The following ZBTB20 variants were observed in gnomAD, a reference collection of about 807,000 sequenced individuals.
The protein encoded by ZBTB20 is zinc finger and BTB domain-containing protein 20.
ZBTB20 carries 9 observed loss-of-function variants against 56.9 expected under a neutral mutation model. That is an observed-to-expected ratio of 0.16 (90% confidence interval 0.10 to 0.28). ZBTB20 has a LOEUF of 0.28. Ranked by LOEUF, ZBTB20 falls within the 10% of genes least tolerant of loss-of-function variation. The pLI is 1.00. For synonymous variants in ZBTB20, 417 were observed against 420.7 expected (o/e 0.99, Z 0.11); for missense variants, 655 against 1,003.0 (o/e 0.65, Z 4.69).
At chr3:114,697,011 T>C (rs992618695) in intron 5 of ZBTB20, among the ~76,000 whole-genome samples, 4 of 149,600 alleles carry the variant, frequency 2.7e-5, no homozygotes, top group Admixed American at 6.8e-5. Flanking sequence ...TGTTGTAGCA[T>C]CTAGATGTTT....
chr3:114,367,419 C>T (rs1214435364), intron 10 of ZBTB20, among the ~76,000 whole-genome samples: 1 of 152,144 alleles, frequency 6.6e-6, no homozygotes, highest in African/African-American at 2.4e-5. Context: ...GTGCACACCA[C>T]TATGCCCCGC....
intron 7 of ZBTB20, among the ~76,000 whole-genome samples, chr3:114,458,811 G>A (rs975306887): frequency 7.9e-5 from 12 of 151,740 alleles, no homozygotes; most frequent in Non-Finnish European, 1.3e-4. Context: ...AATTTAATAA[G>A]CTTAGGAAAG....
intron 2 of ZBTB20, among the ~76,000 whole-genome samples, chr3:115,012,533 T>C (rs2079767113): frequency 6.6e-6 from 1 of 151,798 alleles, no homozygotes; most frequent in South Asian, 2.1e-4. Context: ...AATTGTAATA[T>C]AGGTACCCAA....
chr3:114,725,870 G>C (rs1298335006), intron 5 of ZBTB20, among the ~76,000 whole-genome samples: 1 of 152,210 alleles, frequency 6.6e-6, no homozygotes, highest in Non-Finnish European at 1.5e-5. Context: ...CAAGTGTAAG[G>C]CTGAAGGAGA....
intron 2 of ZBTB20, among the ~76,000 whole-genome samples, chr3:114,999,379 C>A (rs549200500): frequency 6.6e-6 from 1 of 151,636 alleles, no homozygotes; most frequent in African/African-American, 2.4e-5. Flanking sequence ...AAGGAAGGAA[C>A]TTGCACAAAT....
At chr3:114,917,267 A>T (rs923062324) in intron 3 of ZBTB20, among the ~76,000 whole-genome samples, 1 of 152,142 alleles carries the variant, frequency 6.6e-6, no homozygotes, top group Non-Finnish European at 1.5e-5. Flanking sequence ...AGGATTCTGA[A>T]TTCCTTCTCT....
intron 6 of ZBTB20, among the ~76,000 whole-genome samples, chr3:114,619,805 G>C: frequency 6.6e-6 from 1 of 152,270 alleles, no homozygotes; most frequent in African/African-American, 2.4e-5. Flanking sequence ...TGTTAAGACA[G>C]TGCAAATGAT....
intron 3 of ZBTB20, among the ~76,000 whole-genome samples, chr3:114,934,597 G>T (rs1255583865): frequency 5.3e-5 from 8 of 151,892 alleles, no homozygotes. Context: ...GAAGCTGCAG[G>T]CAAGATTTAT....
chr3:115,007,574 G>A (rs1352931855), intron 2 of ZBTB20, among the ~76,000 whole-genome samples: 2 of 151,630 alleles, frequency 1.3e-5, no homozygotes, highest in East Asian at 3.9e-4. Context: ...ATATAAACAT[G>A]CATGATTATC....
intron 5 of ZBTB20, among the ~76,000 whole-genome samples, chr3:114,720,080 A>G (rs2064807686): frequency 6.7e-6 from 1 of 149,472 alleles, no homozygotes; most frequent in Admixed American, 6.7e-5. Context: ...TATATAATAT[A>G]TATAATGTAT....
chr3:114,771,009 A>G (rs1320313048), intron 5 of ZBTB20, among the ~76,000 whole-genome samples: 1 of 152,218 alleles, frequency 6.6e-6, no homozygotes, highest in Admixed American at 6.6e-5. Flanking sequence ...TATGAAAGAC[A>G]TGCACTTGTT....
At chr3:115,002,648 A>G (rs2079300196) in intron 2 of ZBTB20, among the ~76,000 whole-genome samples, 2 of 151,630 alleles carry the variant, frequency 1.3e-5, no homozygotes, top group Non-Finnish European at 3.0e-5. Flanking sequence ...ATCACTAAAC[A>G]TCTATTGGAA....
chr3:114,508,262 C>G (rs1235725158), intron 6 of ZBTB20, among the ~76,000 whole-genome samples: 1 of 152,126 alleles, frequency 6.6e-6, no homozygotes, highest in African/African-American at 2.4e-5. Context: ...CAGATAAGGT[C>G]TAACAGGGGT....
chr3:114,896,680 T>C (rs922423380), intron 4 of ZBTB20, among the ~76,000 whole-genome samples: 3 of 152,102 alleles, frequency 2.0e-5, no homozygotes, highest in Admixed American at 6.6e-5. Context: ...TATAGAGATG[T>C]ATTGTGGTGA....
chr3:114,830,042 A>T (rs2108953777), intron 4 of ZBTB20, among the ~76,000 whole-genome samples: 1 of 152,062 alleles, frequency 6.6e-6, no homozygotes, highest in East Asian at 1.9e-4. Flanking sequence ...ATTAAAATGT[A>T]TGCATCACAA....
intron 3 of ZBTB20, among the ~76,000 whole-genome samples, chr3:114,959,115 C>T (rs963813843): frequency 6.6e-6 from 1 of 152,170 alleles, no homozygotes; most frequent in Non-Finnish European, 1.5e-5. Context: ...TGATTTCTCA[C>T]TTCCCCTAAT....
chr3:114,677,962 A>C (rs1368400743), intron 6 of ZBTB20, among the ~76,000 whole-genome samples: 1 of 152,182 alleles, frequency 6.6e-6, no homozygotes, highest in East Asian at 1.9e-4. Flanking sequence ...GAACTGTTTT[A>C]ATTATATTTA....
At chr3:114,983,237 A>G (rs1010609019) in intron 2 of ZBTB20, among the ~76,000 whole-genome samples, 2 of 151,996 alleles carry the variant, frequency 1.3e-5, no homozygotes, top group African/African-American at 2.4e-5. Context: ...ATATTTTCAC[A>G]TATATATCAG....
intron 4 of ZBTB20, among the ~76,000 whole-genome samples, chr3:114,825,925 A>G (rs1472378558): frequency 6.6e-6 from 1 of 151,820 alleles, no homozygotes; most frequent in East Asian, 1.9e-4. Context: ...GTCAGTATCT[A>G]TGATCACTTC....
Sources: gnomAD v4.1 joint callset for allele counts (sites outside exome capture counted in the v4.1 genomes callset) on GRCh38, gnomAD v4.1.1 for gene constraint, MANE v1.5 for transcripts, NCBI Gene and HGNC (gene_info 2026-07-23, HGNC 2026-07-21) for gene names.